PIK3CD: variants seen among roughly 807,000 people sequenced by gnomAD.
PIK3CD encodes phosphatidylinositol 4,5-bisphosphate 3-kinase catalytic subunit delta isoform.
PIK3CD carries 20 observed loss-of-function variants against 122.9 expected under a neutral mutation model. The observed-to-expected ratio is 0.16, with a 90% CI of 0.11 to 0.24. PIK3CD has a LOEUF of 0.24. PIK3CD is among the 10% of genes least tolerant of loss of function. The pLI, the probability that PIK3CD is intolerant of heterozygous loss-of-function variation, is 1.00. For synonymous variants in PIK3CD, 596 were observed against 593.4 expected, an observed-to-expected ratio of 1.00 and a Z score of -0.06; for missense variants, 787 against 1,406.3, an observed-to-expected ratio of 0.56 and a Z score of 7.04.
At position 9,724,480 on chromosome 1, in the gene PIK3CD, AG is replaced by A; in HGVS notation, c.2864+60del. ...GGTGTGGGGCCCCAGGGAACAGGGC[AG>A]AGGTTCCCAGGCAGGGTGCAGGATG... On this transcript the variant is annotated intron_variant, in intron 22 of 23. Transcript: ENST00000377346. This position sits in a 1 kb window ranked among gnomAD's most constrained non-coding sequence, Gnocchi z 7.3. 1.3e-6 allele frequency: 2 copies of A among 1,589,176 alleles called. No homozygotes were observed. The highest frequency in any genetic ancestry group is 3.3e-5 in the Admixed American group (2 of 59,874).
intron 1 of PIK3CD, among the ~76,000 whole-genome samples, chr1:9,681,311 C>T (rs1645741302): frequency 6.6e-6 from 1 of 152,096 alleles, no homozygotes; most frequent in Non-Finnish European, 1.5e-5. Context: ...AATCAGAGCT[C>T]ACTGCAGCCT....
intron 3 of PIK3CD, among the ~76,000 whole-genome samples, chr1:9,712,229 A>G (rs1647083017): frequency 6.6e-6 from 1 of 152,180 alleles, no homozygotes; most frequent in African/African-American, 2.4e-5. Flanking sequence ...TTGAGGGATC[A>G]TGCCTTGGGC....
rs1162906502 is a variant in PIK3CD, at chr1:9,721,561, C to A, written c.1929C>A (p.Ile643=). ...ACCGGGCCCTGGCCAACCGCAAGAT[C>A]GGCCACTTCCTTTTCTGGCACCTCC... ...LLDRALANRK[I]GHFLFWHLRS... Residue 643 remains isoleucine (I), a synonymous_variant, in exon 15 of 24, where the codon ATC becomes ATA. Transcript: ENST00000377346. The A allele has an allele frequency of 1.2e-6, 2 of 1,613,610 alleles. No individual in the cohort carries two copies. The highest frequency in any genetic ancestry group is 4.5e-5 in the East Asian group (2 of 44,888).
chr1:9,687,529 ACCG>A (rs1646011928), intron 1 of PIK3CD: 1 of 147,068 alleles, frequency 6.8e-6, no homozygotes, highest in Admixed American at 6.7e-5. Context: ...TGTCTGCTGC[ACCG>A]CTCCCCTCCC....
intron 1 of PIK3CD, among the ~76,000 whole-genome samples, chr1:9,667,403 G>A (rs1207305315): frequency 6.7e-6 from 1 of 150,158 alleles, no homozygotes; most frequent in African/African-American, 2.5e-5. Context: ...TTGAGATGGA[G>A]GCTCACTCTG....
Position 9,710,729 on chromosome 1 carries a change from C to T in PIK3CD, c.141+133C>T, listed in dbSNP as rs1570337469. The T allele has an allele frequency of 4.3e-6, 4 of 920,470 alleles. No individual in the cohort carries two copies. In the East Asian group the frequency reaches 1.0e-4, roughly 23 times the overall value. 57.0% of individuals were successfully genotyped at this position (920,470 alleles called of 1,614,324 possible). ...GACAGACAGATGGACAGATGCACTG[C>T]TTTTCAGACTTGGGATCCTCAGATG... On this transcript the variant is annotated intron_variant, in intron 3 of 23. Transcript: ENST00000377346. The surrounding 1 kb of genome is among the most constrained non-coding windows in gnomAD (Gnocchi z 4.7).
intron 23 of PIK3CD, among the ~76,000 whole-genome samples, chr1:9,725,504 G>A (rs531394342): frequency 1.3e-5 from 2 of 152,190 alleles, no homozygotes; most frequent in Admixed American, 6.5e-5. Flanking sequence ...GCAGTGAGCC[G>A]AGATTGTGCC....
rs754001563 is a variant in PIK3CD, at chr1:9,726,971, C to T, written c.3060C>T (p.Asn1020=). The part of the protein sequence containing the change: ...EALKHFRVKF[N]EALRESWKTK... ...TGAAGCACTTCCGAGTGAAGTTTAA[C>T]GAAGCCCTCCGTGAGAGCTGGAAAA... The change falls in exon 24 of 24, where the codon AAC becomes AAT. Residue 1020 remains asparagine (N), a synonymous_variant. Coordinates refer to ENST00000377346, the MANE Select transcript of PIK3CD (RefSeq NM_005026.5). 4.3e-6 allele frequency: 7 copies of T among 1,613,928 alleles called. No homozygotes were observed. Among genetic ancestry groups the T allele is most frequent in the African/African-American group, 2.7e-5 (2 of 75,010 alleles).
In PIK3CD at chr1:9,719,961, A is replaced by G. The variant is rs1335325896; in HGVS notation, c.1283A>G (p.Tyr428Cys). The stretch of plus-strand genomic sequence containing the variant: ...TGGGCCAACCTCATGCTGTTTGACT[A>G]CAAGGACCAGCTTAAGACCGGGGAA... Reference protein sequence around the residue: ...IAWANLMLFDYKDQLKTGERC... With the variant: ...IAWANLMLFDCKDQLKTGERC... Residue 428 changes from tyrosine to cysteine, a missense_variant, in exon 10 of 24, where the codon TAC (tyrosine) becomes TGC (cysteine). Physicochemically the swap from Tyr to Cys is radical, Grantham distance 194. Around this residue, in one of 6 missense-constraint regions of PIK3CD, gnomAD observed 592 missense variants for 920.6 expected, o/e 0.64. Coordinates refer to ENST00000377346, the MANE Select transcript of PIK3CD (RefSeq NM_005026.5). This position sits in a 1 kb window ranked among gnomAD's most constrained non-coding sequence, Gnocchi z 5.5. 1.2e-6 allele frequency: 2 copies of G among 1,613,804 alleles called. No individual in the cohort carries two copies. The highest frequency in any genetic ancestry group is 2.2e-5 in the East Asian group (1 of 44,868).
rs751038991 is a variant in PIK3CD, at chr1:9,710,451, G to A, written c.-5G>A. On this transcript the variant is annotated 5_prime_UTR_variant, in exon 3 of 24. Coordinates refer to ENST00000377346, the MANE Select transcript of PIK3CD (RefSeq NM_005026.5). This position sits in a 1 kb window ranked among gnomAD's most constrained non-coding sequence, Gnocchi z 4.7. Reference sequence around the variant, plus strand: ...CAACTGTCATCTGGGAAGTAACAACGCAGGATGCCCCCTGGGGTGGACTGC... The same window carrying A: ...CAACTGTCATCTGGGAAGTAACAACACAGGATGCCCCCTGGGGTGGACTGC... The A allele has an allele frequency of 5.0e-6, 8 of 1,614,010 alleles. No individual in the cohort carries two copies. Among genetic ancestry groups the A allele is most frequent in the South Asian group, 4.4e-5 (4 of 91,084 alleles).
At chr1:9,629,692 G>A in the PIK3CD span, among the ~76,000 whole-genome samples, 4 of 152,066 alleles carry the variant, frequency 2.6e-5, no homozygotes, top group African/African-American at 9.7e-5. Flanking sequence ...CAGAGGCAGG[G>A]TGCAGGTGTG....
At chr1:9,660,200 C>A (rs999744896) in intron 1 of PIK3CD, among the ~76,000 whole-genome samples, 10 of 152,244 alleles carry the variant, frequency 6.6e-5, no homozygotes, top group Non-Finnish European at 1.3e-4. Context: ...GCGTGAGCCA[C>A]CGCGCCTGGC....
the PIK3CD span, among the ~76,000 whole-genome samples, chr1:9,637,708 A>C: frequency 2.0e-5 from 3 of 152,044 alleles, no homozygotes; most frequent in African/African-American, 7.2e-5. Flanking sequence ...GGGAGACTAA[A>C]ATCTACCACC....
the PIK3CD span, among the ~76,000 whole-genome samples, chr1:9,633,432 C>T: frequency 6.6e-6 from 1 of 152,072 alleles, no homozygotes; most frequent in Admixed American, 6.6e-5. Flanking sequence ...CTCAGCCTCC[C>T]TAGTAGCTGG....
At chr1:9,673,227 T>C (rs931656785) in intron 1 of PIK3CD, among the ~76,000 whole-genome samples, 71 of 151,966 alleles carry the variant, frequency 4.7e-4, no homozygotes, top group African/African-American at 1.7e-3. Flanking sequence ...GCCTCCTAAG[T>C]AAGCAGGGAT....
In PIK3CD at chr1:9,724,325, T is replaced by A; in HGVS notation, c.2768T>A (p.Phe923Tyr). Residue 923 changes from phenylalanine to tyrosine, a missense_variant, in exon 22 of 24, where the codon TTT (phenylalanine) becomes TAT (tyrosine). Phe to Tyr is a conservative substitution (Grantham distance 22). Around this residue, in one of 6 missense-constraint regions of PIK3CD, gnomAD observed 17 missense variants for 97.0 expected, o/e 0.18. Transcript: ENST00000377346. The surrounding 1 kb of genome is among the most constrained non-coding windows in gnomAD (Gnocchi z 7.3). ...GHFLGNFKTK[F>Y]GINRERVPFI... is the part of the protein sequence containing the mutation. ...TTTCTGGGGAATTTCAAGACCAAGTTTGGAATCAACCGCGAGCGTGTCCCA... is the reference window on the plus strand; with the variant it reads ...TTTCTGGGGAATTTCAAGACCAAGTATGGAATCAACCGCGAGCGTGTCCCA... The A allele has an allele frequency of 6.2e-7, 1 of 1,614,196 alleles. No homozygotes were observed. The highest frequency in any genetic ancestry group is 8.5e-7 in the Non-Finnish European group (1 of 1,180,032).
intron 1 of PIK3CD, among the ~76,000 whole-genome samples, chr1:9,659,557 C>G (rs761792517): frequency 6.6e-6 from 1 of 152,190 alleles, no homozygotes; most frequent in Non-Finnish European, 1.5e-5. Flanking sequence ...CCTCCCAGCC[C>G]TGGCAGCCAT....
At chr1:9,636,920 C>T in the PIK3CD span, among the ~76,000 whole-genome samples, 3 of 149,836 alleles carry the variant, frequency 2.0e-5, no homozygotes, top group Admixed American at 6.7e-5. Flanking sequence ...TTTTTTGAGA[C>T]GGAGTCTCTC....
rs115832710 is a variant in PIK3CD at position 9,692,175 on chromosome 1, G to A, written c.-33+604G>A. Among the ~76,000 whole-genome samples the A allele has an allele frequency of 5.2e-4, 79 of 152,322 alleles. 1 individual carries two copies. Among genetic ancestry groups the A allele is most frequent in the African/African-American group, 1.7e-3 (69 of 41,564 alleles). ...GGCTACCACACCCATCTGGGGGCCT[G>A]GAATAGCTGGGTCTGGCTTGGGAGC... On this transcript the variant is annotated intron_variant, in intron 2 of 23. Coordinates refer to ENST00000377346, the MANE Select transcript of PIK3CD (RefSeq NM_005026.5).
Sources: gnomAD v4.1 joint callset for allele counts (sites outside exome capture counted in the v4.1 genomes callset) on GRCh38, gnomAD v4.1.1 for gene constraint, gnomAD v4.1.1 regional missense constraint, Gnocchi (gnomAD v3.1) non-coding constraint, MANE v1.5 for transcripts, NCBI Gene and HGNC (gene_info 2026-07-23, HGNC 2026-07-21) for gene names.